PHLPP1: variants seen among roughly 807,000 people sequenced by gnomAD.
PHLPP1 encodes the protein PH domain leucine-rich repeat-containing protein phosphatase 1.
Under a neutral mutation model 117.2 loss-of-function variants are expected in PHLPP1, and 42 were observed. The ratio of observed to expected loss-of-function variants is 0.36; its 90% CI spans 0.28 to 0.46. The LOEUF is 0.46. PHLPP1 is among the 20% of genes least tolerant of loss of function. The pLI, the probability that PHLPP1 is intolerant of heterozygous loss-of-function variation, is 1.00. For synonymous variants in PHLPP1, 1,042 were observed against 970.7 expected, an observed-to-expected ratio of 1.07 and a Z score of -1.37; for missense variants, 2,084 against 2,241.9, an observed-to-expected ratio of 0.93 and a Z score of 1.42.
chr18:62,963,431 A>G lies in PHLPP1; in HGVS notation c.3519A>G (p.Val1173=), dbSNP rs766840426. Residue 1173 remains valine (V), a synonymous_variant, in exon 14 of 17, where the codon GTA becomes GTG. Transcript: ENST00000262719. The part of the protein sequence containing the change: ...STGDASGAPA[V]WSHGYTEASG... Reference sequence around the variant, plus strand: ...GAGACGCTTCCGGAGCCCCAGCTGTATGGAGTCATGGTTACACTGAAGCTT... The same window carrying G: ...GAGACGCTTCCGGAGCCCCAGCTGTGTGGAGTCATGGTTACACTGAAGCTT... The G allele has an allele frequency of 1.9e-6, 3 of 1,613,448 alleles. No homozygotes were observed. The highest frequency in any genetic ancestry group is 1.1e-5 in the South Asian group (1 of 90,894).
chr18:62,766,104 A>ATATATATATATAT (rs1289379653), intron 1 of PHLPP1, among the ~76,000 whole-genome samples: 4 of 40,982 alleles, frequency 9.8e-5, no homozygotes, highest in South Asian at 8.9e-4. Context: ...TATATATATA[A>ATATATATATATAT]AATATATATA....
intron 1 of PHLPP1, among the ~76,000 whole-genome samples, chr18:62,785,591 A>G (rs1913257673): frequency 6.6e-6 from 1 of 152,148 alleles, no homozygotes; most frequent in Non-Finnish European, 1.5e-5. Context: ...TTGTTTGTGG[A>G]AAAAAAGTTT....
intron 6 of PHLPP1, among the ~76,000 whole-genome samples, chr18:62,897,546 G>T (rs910765622): frequency 6.6e-6 from 1 of 151,934 alleles, no homozygotes; most frequent in African/African-American, 2.4e-5. Flanking sequence ...TCTGTCTGTC[G>T]CCCAGGCTGG....
chr18:62,786,294 T>C (rs565795720), intron 1 of PHLPP1, among the ~76,000 whole-genome samples: 1 of 152,358 alleles, frequency 6.6e-6, no homozygotes, highest in East Asian at 1.9e-4. Context: ...ATGCTTCCCA[T>C]ATCTTGAACT....
intron 4 of PHLPP1, among the ~76,000 whole-genome samples, chr18:62,865,704 A>G (rs942645818): frequency 6.6e-6 from 1 of 152,370 alleles, no homozygotes; most frequent in African/African-American, 2.4e-5. Context: ...CTATGCAGCC[A>G]TAAAAAGTGA....
intron 14 of PHLPP1, among the ~76,000 whole-genome samples, chr18:62,963,916 A>G (rs1910835212): frequency 6.6e-6 from 1 of 152,158 alleles, no homozygotes; most frequent in Non-Finnish European, 1.5e-5. Flanking sequence ...TACAATCTAA[A>G]TTAGCTTGGC....
intron 1 of PHLPP1, among the ~76,000 whole-genome samples, chr18:62,726,604 T>TTTA: frequency 6.8e-6 from 1 of 146,534 alleles, no homozygotes; most frequent in East Asian, 2.0e-4. Context: ...TTTTTTTTTT[T>TTTA]ATGGAGTCTT....
rs570928467 is a variant in PHLPP1 at position 62,946,105 on chromosome 18, T to G, written c.3324+834T>G. ...GCTTAATGAAAAATAATTTGGTGGT[T>G]ACAGACTTGGAGCATATTCTAATCT... On this transcript the variant is annotated intron_variant, in intron 12 of 16. Transcript: ENST00000262719. 1.1e-4 allele frequency among the ~76,000 whole-genome samples: 17 copies of G among 152,372 alleles called. No individual in the cohort carries two copies. The South Asian group carries it at 3.3e-3, about 30-fold the overall frequency.
intron 1 of PHLPP1, among the ~76,000 whole-genome samples, chr18:62,723,396 T>G (rs549216716): frequency 7.0e-6 from 1 of 142,762 alleles, no homozygotes; most frequent in East Asian, 1.9e-4. Flanking sequence ...TTTTGGACCA[T>G]TTCAATAATG....
chr18:62,777,128 A>G (rs564039693), intron 1 of PHLPP1, among the ~76,000 whole-genome samples: 1 of 152,304 alleles, frequency 6.6e-6, no homozygotes, highest in East Asian at 1.9e-4. Context: ...CTGCCAAACC[A>G]TTTTCCAAAG....
intron 1 of PHLPP1, among the ~76,000 whole-genome samples, chr18:62,778,035 C>T (rs978848144): frequency 6.6e-6 from 1 of 152,128 alleles, no homozygotes; most frequent in South Asian, 2.1e-4. Context: ...CATGTCATAC[C>T]ATATGACAAG....
At chr18:62,851,381 A>C (rs1023596958) in intron 3 of PHLPP1, among the ~76,000 whole-genome samples, 2 of 152,096 alleles carry the variant, frequency 1.3e-5, no homozygotes, top group African/African-American at 2.4e-5. Context: ...TTTAACAGGT[A>C]CCTCATAGCC....
At chr18:62,771,082 C>T (rs750814474) in intron 1 of PHLPP1, among the ~76,000 whole-genome samples, 15 of 151,856 alleles carry the variant, frequency 9.9e-5, no homozygotes, top group Non-Finnish European at 2.2e-4. Context: ...GGCATGGTGG[C>T]GCACACCTGT....
chr18:62,797,164 A>G (rs1034212461), intron 1 of PHLPP1, among the ~76,000 whole-genome samples: 1 of 152,234 alleles, frequency 6.6e-6, no homozygotes, highest in Non-Finnish European at 1.5e-5. Flanking sequence ...TTGGGTAGGA[A>G]TAGATTATTC....
intron 10 of PHLPP1, among the ~76,000 whole-genome samples, chr18:62,928,504 C>G (rs1909712745): frequency 6.6e-6 from 1 of 152,120 alleles, no homozygotes; most frequent in Non-Finnish European, 1.5e-5. Context: ...TAATCAAAAA[C>G]ACAGTAACAA....
intron 10 of PHLPP1, among the ~76,000 whole-genome samples, chr18:62,925,849 G>A (rs1022783170): frequency 5.3e-5 from 8 of 152,088 alleles, no homozygotes; most frequent in Non-Finnish European, 7.4e-5. Context: ...TTCTCCCTTC[G>A]ATTTTAGAGG....
At chr18:62,831,319 G>A (rs2144332539) in intron 2 of PHLPP1, among the ~76,000 whole-genome samples, 1 of 150,810 alleles carries the variant, frequency 6.6e-6, no homozygotes, top group East Asian at 1.9e-4. Context: ...GGCACATTGA[G>A]CAAATATTTT....
chr18:62,830,302 G>A (rs892898725), intron 2 of PHLPP1, 71 bp downstream of exon 2: 27 of 1,344,432 alleles, frequency 2.0e-5, no homozygotes, highest in Middle Eastern at 2.2e-4. Flanking sequence ...GTGTAGTGGC[G>A]TGGTCTCAAC....
intron 10 of PHLPP1, among the ~76,000 whole-genome samples, chr18:62,925,973 G>T (rs1909616513): frequency 6.6e-6 from 1 of 152,140 alleles, no homozygotes; most frequent in Admixed American, 6.5e-5. Context: ...GAAACAAATA[G>T]ATTTTTATAA....
Sources: gnomAD v4.1 joint callset for allele counts (sites outside exome capture counted in the v4.1 genomes callset) on GRCh38, gnomAD v4.1.1 for gene constraint, MANE v1.5 for transcripts, NCBI Gene and HGNC (gene_info 2026-07-23, HGNC 2026-07-21) for gene names.